The following FNDC3A variants were observed in gnomAD, a reference collection of about 807,000 sequenced individuals.
The protein encoded by FNDC3A is fibronectin type III domain containing 3A.
FNDC3A carries 32 observed loss-of-function variants against 148.9 expected under a neutral mutation model. The ratio of observed to expected loss-of-function variants is 0.21; its 90% CI spans 0.16 to 0.29. The LOEUF is 0.29. Ranked by LOEUF, FNDC3A falls within the 10% of genes least tolerant of loss-of-function variation. The probability of loss-of-function intolerance (pLI) is 1.00; values close to 1 mark genes in which losing one functional copy is unlikely to be tolerated. For synonymous variants in FNDC3A, 472 were observed against 473.6 expected, an observed-to-expected ratio of 1.00 and a Z score of 0.04; for missense variants, 1,191 against 1,452.8, an observed-to-expected ratio of 0.82 and a Z score of 2.93.
chr13:49,061,295 C>T (rs1876672313), intron 2 of FNDC3A, among the ~76,000 whole-genome samples: 1 of 143,974 alleles, frequency 6.9e-6, no homozygotes, highest in South Asian at 2.3e-4. Context: ...TTTCCTTTTC[C>T]ATTTTCCATT....
intron 2 of FNDC3A, among the ~76,000 whole-genome samples, chr13:49,012,983 G>A (rs369706058): frequency 1.2e-4 from 19 of 152,006 alleles, no homozygotes; most frequent in South Asian, 1.2e-3. Context: ...TATTAAGCAT[G>A]ATGTTTATTA....
intron 2 of FNDC3A, among the ~76,000 whole-genome samples, chr13:49,054,723 G>A (rs76381049): frequency 0.072 from 10,981 of 152,232 alleles, 961 homozygotes; most frequent in East Asian, 0.46. Flanking sequence ...CCAGAGCGGC[G>A]TCCCCTCATG....
Position 49,145,955 on chromosome 13 carries a change from C to T in FNDC3A, c.977+20C>T. Reference sequence around the variant, plus strand: ...ATATGTGTAGGTATTTGTTGTTTTGCTTTCTCCCATTGTGTAAATTAATGG... The same window carrying T: ...ATATGTGTAGGTATTTGTTGTTTTGTTTTCTCCCATTGTGTAAATTAATGG... On this transcript the variant is annotated intron_variant, in intron 8 of 25. Transcript: ENST00000492622. 9 of 1,579,890 alleles carry T rather than the reference C, an allele frequency of 5.7e-6. No individual in the cohort carries two copies. The highest frequency in any genetic ancestry group is 7.8e-6 in the Non-Finnish European group (9 of 1,159,896).
chr13:49,107,002 A>G (rs1167964706), intron 3 of FNDC3A, among the ~76,000 whole-genome samples: 3 of 152,194 alleles, frequency 2.0e-5, no homozygotes, highest in Non-Finnish European at 4.4e-5. Context: ...AATAAACTCA[A>G]AATTCAGGAT....
chr13:49,180,180 C>G (rs1885233025), intron 14 of FNDC3A, among the ~76,000 whole-genome samples: 1 of 152,168 alleles, frequency 6.6e-6, no homozygotes, highest in South Asian at 2.1e-4. Context: ...TTCTAACTTC[C>G]TTCATCATCA....
chr13:49,141,584 T>G (rs990583354), intron 7 of FNDC3A, among the ~76,000 whole-genome samples: 4 of 152,198 alleles, frequency 2.6e-5, no homozygotes, highest in Non-Finnish European at 4.4e-5. Flanking sequence ...AATCCAGAAA[T>G]TAGATACTCT....
At chr13:49,092,938 A>C (rs1306234232) in intron 3 of FNDC3A, among the ~76,000 whole-genome samples, 2 of 152,116 alleles carry the variant, frequency 1.3e-5, no homozygotes, top group Non-Finnish European at 2.9e-5. Flanking sequence ...TGTTGTATGC[A>C]TTGATTGCAT....
At chr13:49,110,610 T>G (rs1441260869) in intron 3 of FNDC3A, among the ~76,000 whole-genome samples, 4 of 152,224 alleles carry the variant, frequency 2.6e-5, no homozygotes, top group African/African-American at 9.6e-5. Context: ...TATTCCATTC[T>G]AGGATCTTTA....
intron 4 of FNDC3A, among the ~76,000 whole-genome samples, chr13:49,115,194 G>GGAT (rs1555292921): frequency 1.8e-4 from 2 of 10,976 alleles, no homozygotes; most frequent in Non-Finnish European, 3.1e-4. Context: ...GGGGGGGGGG[G>GGAT]AAATAAAAAA....
intron 14 of FNDC3A, among the ~76,000 whole-genome samples, chr13:49,183,189 T>C (rs1277738696): frequency 6.6e-6 from 1 of 152,252 alleles, no homozygotes; most frequent in African/African-American, 2.4e-5. Context: ...ACTTGTGCTC[T>C]TATGTACAGG....
At chr13:49,132,227 A>G (rs763514612) in intron 5 of FNDC3A, among the ~76,000 whole-genome samples, 2 of 152,190 alleles carry the variant, frequency 1.3e-5, no homozygotes, top group Admixed American at 6.5e-5. Flanking sequence ...AACTGCAACA[A>G]TGGCCTTCCA....
chr13:49,051,172 C>G (rs1411080340), intron 2 of FNDC3A, among the ~76,000 whole-genome samples: 1 of 152,134 alleles, frequency 6.6e-6, no homozygotes, highest in Non-Finnish European at 1.5e-5. Flanking sequence ...ATGTGAGATA[C>G]TGTTCTCTTC....
intron 13 of FNDC3A, among the ~76,000 whole-genome samples, chr13:49,176,720 C>T (rs1593709918): frequency 2.0e-5 from 3 of 152,252 alleles, no homozygotes; most frequent in Admixed American, 2.0e-4. Flanking sequence ...TAAGTATTGC[C>T]ACAGTAGTTA....
intron 1 of FNDC3A, among the ~76,000 whole-genome samples, chr13:49,002,946 C>A (rs1356902018): frequency 6.6e-6 from 1 of 152,164 alleles, no homozygotes; most frequent in Non-Finnish European, 1.5e-5. Flanking sequence ...ATATATTCAA[C>A]CTTGGTAGAT....
intron 22 of FNDC3A, 33 bp from the exon 23 acceptor site, chr13:49,198,329 A>G (rs1255342846): frequency 2.9e-5 from 46 of 1,612,560 alleles, no homozygotes; most frequent in Non-Finnish European, 3.9e-5. Flanking sequence ...TAAAACAATC[A>G]TAACCAAACT....
chr13:49,185,989 A>G lies in FNDC3A; in HGVS notation c.1643A>G (p.Lys548Arg). ...GTTATTGCTTACAACTCAGAAGGTA[A>G]AAGTAATCCAAGTGAAGTAGTAGAA... ...FKVIAYNSEG[K>R]SNPSEVVEFT... Residue 548 changes from lysine (K) to arginine (R), a missense_variant, in exon 15 of 26, where the codon AAA (lysine) becomes AGA (arginine). This residue lies in a region of FNDC3A where 751 missense variants were observed against 944.0 expected (regional missense o/e 0.80). Coordinates refer to ENST00000492622, the MANE Select transcript of FNDC3A (RefSeq NM_001079673.2). The G allele has an allele frequency of 6.2e-7, 1 of 1,612,268 alleles. No individual in the cohort carries two copies. Among genetic ancestry groups the G allele is most frequent in the South Asian group, 1.1e-5 (1 of 91,020 alleles).
At chr13:49,196,747 A>T (rs1886174685) in intron 19 of FNDC3A, 130 bp from the exon 20 acceptor site, 1 of 515,602 alleles carries the variant, frequency 1.9e-6, no homozygotes, top group South Asian at 3.5e-5. Context: ...TACTTATAGA[A>T]TTATGACCAA....
chr13:49,195,196 A>C (rs1273598654), intron 19 of FNDC3A, among the ~76,000 whole-genome samples: 1 of 152,190 alleles, frequency 6.6e-6, no homozygotes, highest in African/African-American at 2.4e-5. Flanking sequence ...AGAGTTGATG[A>C]CCTTCATTTA....
intron 2 of FNDC3A, among the ~76,000 whole-genome samples, chr13:49,060,825 A>G (rs151106397): frequency 5.5e-4 from 83 of 152,240 alleles, no homozygotes; most frequent in African/African-American, 1.9e-3. Context: ...GGTGATTACC[A>G]GGGGCTCGGA....
Sources: gnomAD v4.1 joint callset for allele counts (sites outside exome capture counted in the v4.1 genomes callset) on GRCh38, gnomAD v4.1.1 for gene constraint, gnomAD v4.1.1 regional missense constraint, MANE v1.5 for transcripts, NCBI Gene and HGNC (gene_info 2026-07-23, HGNC 2026-07-21) for gene names.